Variants in PLXNB3 observed in about 807,000 individuals in gnomAD.
PLXNB3 encodes plexin-B3.
A neutral mutation model predicts 125.7 loss-of-function variants in PLXNB3; 80 were observed. The observed-to-expected ratio is 0.64, with a 90% confidence interval of 0.53 to 0.77. PLXNB3 has a LOEUF of 0.77. PLXNB3 is among the 30% of genes least tolerant of loss of function. The pLI is 0.00. For synonymous variants in PLXNB3, 954 were observed against 783.3 expected, an observed-to-expected ratio of 1.22 and a Z score of -3.64; for missense variants, 1,836 against 1,729.3, an observed-to-expected ratio of 1.06 and a Z score of -1.09.
Position 153,764,316 on chromosome X carries a change from C to T in PLXNB3, c.-66+12C>T, listed in dbSNP as rs1366334819. On this transcript the variant is annotated intron_variant, in intron 1 of 35. Transcript: ENST00000361971. ...CGGTGGCCCACCAGGTAGGCAAGAG[C>T]TGGGGCAGGCTTGGGCTTGGGCTTG... 3 of 113,079 alleles carry T rather than the reference C, an allele frequency of 2.7e-5. No homozygotes were observed. The highest frequency in any genetic ancestry group is 9.6e-5 in the African/African-American group (3 of 31,172). The allele number at this position is 113,079 out of a possible 1,213,427, so 9.3% of individuals were successfully genotyped here.
At position 153,770,075 on chromosome X, in the gene PLXNB3, TC is replaced by T; in HGVS notation, c.1630-13del. On this transcript the variant is annotated splice_polypyrimidine_tract_variant and intron_variant, in intron 7 of 35. Transcript: ENST00000361971. ...CTCTCTGGCTACATCTCCCGGTTTC[TC>T]CCCGCTGCATCCCAGGTCACTTTGT... 1 of 1,208,667 alleles carries T rather than the reference TC, an allele frequency of 8.3e-7. No individual in the cohort carries two copies. The highest frequency in any genetic ancestry group is 1.1e-6 in the Non-Finnish European group (1 of 893,995).
intron 6 of PLXNB3, 37 bp from the exon 7 acceptor site, chrX:153,769,766 CTAGG>C: frequency 8.5e-7 from 1 of 1,181,107 alleles, no homozygotes; most frequent in East Asian, 3.0e-5. Context: ...TCCTTGGAGT[CTAGG>C]ACCCCCACGG....
rs1557064787 is a variant in PLXNB3, at chrX:153,777,317, G to C, written c.5037G>C (p.Glu1679Asp). 8.3e-7 allele frequency: 1 copy of C among 1,206,751 alleles called. No individual in the cohort carries two copies. Reference sequence around the variant, plus strand: ...AGGTGCGGTGCAGCAGCCTGCGGGAGCGCGAGCCAGCAAGGGCCAAGGCCA... The same window carrying C: ...AGGTGCGGTGCAGCAGCCTGCGGGACCGCGAGCCAGCAAGGGCCAAGGCCA... ...GAKVRCSSLR[E>D]REPARAKAIP... Residue 1679 changes from glutamate to aspartate, a missense_variant, in exon 30 of 36, where the codon GAG becomes GAC. By Grantham distance (45) the Glu-to-Asp change is conservative (BLOSUM62 2). Transcript: ENST00000361971.
intron 10 of PLXNB3, 31 bp downstream of exon 10, chrX:153,770,673 G>C (rs942845279): frequency 2.5e-6 from 3 of 1,207,656 alleles, no homozygotes; most frequent in East Asian, 5.9e-5. Flanking sequence ...GGCAGAGACA[G>C]GGCTGTCCCT....
chrX:153,771,017 G>T lies in PLXNB3; in HGVS notation c.2189G>T (p.Gly730Val), dbSNP rs782464387. Residue 730 changes from glycine to valine, a missense_variant, in exon 12 of 36, where the codon GGA becomes GTA. Gly to Val is a moderately radical substitution (Grantham distance 109). Transcript: ENST00000361971. ...CWLELPGELR[G>V]LPATLEETAG... is the part of the protein sequence containing the mutation. ...CTGGAGCTGCCTGGAGAACTTCGGG[G>T]ACTGCCGGCCACCCTGGAGGAGACA... is the stretch of plus-strand genomic sequence containing the variant. The T allele has an allele frequency of 1.7e-6, 2 of 1,210,685 alleles. No homozygotes were observed. The highest frequency in any genetic ancestry group is 1.8e-5 in the South Asian group (1 of 56,995).
rs782771749 is a variant in PLXNB3, at chrX:153,773,674, C to A, written c.3240C>A (p.Asp1080Glu). The A allele has an allele frequency of 3.4e-6, 4 of 1,171,915 alleles. No individual in the cohort carries two copies. In the African/African-American group the frequency reaches 5.3e-5, roughly 16 times the overall value. Residue 1080 changes from aspartate (D) to glutamate (E), a missense_variant, in exon 19 of 36, where the codon GAC becomes GAA. By Grantham distance (45) the Asp-to-Glu change is conservative (BLOSUM62 2). Coordinates refer to ENST00000361971, the MANE Select transcript of PLXNB3 (RefSeq NM_005393.3). ...PRRSCGAPAA[D>E]PQACIQLGGG... ...GGAGCTGTGGAGCCCCTGCTGCGGA[C>A]CCCCAGGCTTGTATCCAGCTCGGTG...
At chrX:153,768,115 C>A in intron 3 of PLXNB3, 134 bp from the exon 4 acceptor site, 2 of 820,022 alleles carry the variant, frequency 2.4e-6, no homozygotes, top group East Asian at 3.3e-5. Context: ...GTGCCCTGGC[C>A]CTTCGGCCCT....
rs782425035 is a variant in PLXNB3, at chrX:153,768,943, C to T, written c.1267-5C>T. 8.3e-6 allele frequency: 10 copies of T among 1,208,592 alleles called. No homozygotes were observed. The South Asian group carries it at 1.6e-4, about 19-fold the overall frequency. ...GCCCAGCCTCGTCCTTGTCCCCCCA[C>T]TCAGGTCTTTCTCCACGGCTCCCAG... On this transcript the variant is annotated splice_region_variant and splice_polypyrimidine_tract_variant and intron_variant, in intron 4 of 35. Transcript: ENST00000361971.
chrX:153,771,071 A>G lies in PLXNB3; in HGVS notation c.2243A>G (p.Gln748Arg), dbSNP rs782034676. 4.2e-6 allele frequency: 5 copies of G among 1,201,388 alleles called. No individual in the cohort carries two copies. The highest frequency in any genetic ancestry group is 5.6e-6 in the Non-Finnish European group (5 of 887,971). ...GGGGATTCAGGCCTCATCCACTGCC[A>G]GGCCCACCAGGTGAGTGGCTGCCTT... is the stretch of plus-strand genomic sequence containing the variant. ...TAGDSGLIHC[Q>R]AHQFYPSMSQ... is the part of the protein sequence containing the mutation. Residue 748 changes from glutamine to arginine, a missense_variant, in exon 12 of 36, where the codon CAG becomes CGG. Coordinates refer to ENST00000361971, the MANE Select transcript of PLXNB3 (RefSeq NM_005393.3).
In PLXNB3 at chrX:153,771,370, G is replaced by A. The variant is rs782682163; in HGVS notation, c.2314G>A (p.Ala772Thr). The A allele has an allele frequency of 4.1e-6, 5 of 1,210,732 alleles. No homozygotes were observed. The highest frequency in any genetic ancestry group is 2.2e-5 in the Admixed American group (1 of 46,131). ...GCCCATCTACGTCACCCAGGGTGAA[G>A]CCCAGAGGCTGGACAACACCCATGC... ...PVPIYVTQGE[A>T]QRLDNTHALY... The change falls in exon 13 of 36, where the codon GCC (alanine) becomes ACC (threonine). Residue 772 changes from alanine (A) to threonine (T), a missense_variant. Ala to Thr is a moderately conservative substitution (Grantham distance 58, BLOSUM62 0). Coordinates refer to ENST00000361971, the MANE Select transcript of PLXNB3 (RefSeq NM_005393.3).
Position 153,769,052 on chromosome X carries a change from C to G in PLXNB3, c.1371C>G (p.His457Gln). Residue 457 changes from histidine (H) to glutamine (Q), a missense_variant, in exon 5 of 36, where the codon CAC becomes CAG. Coordinates refer to ENST00000361971, the MANE Select transcript of PLXNB3 (RefSeq NM_005393.3). The part of the protein sequence containing the change: ...PDLLLDSSGS[H>Q]LYVLTAHQVD... ...TGCTGCTGGACAGCAGTGGCAGTCA[C>G]CTCTATGTCCTGACTGCCCACCAGG... 2 of 1,210,194 alleles carry G rather than the reference C, an allele frequency of 1.7e-6. No homozygotes were observed. The highest frequency in any genetic ancestry group is 3.5e-5 in the South Asian group (2 of 56,900).
rs370364112 is a variant in PLXNB3 at position 153,775,361 on chromosome X, C to T, written c.4292C>T (p.Ala1431Val). Residue 1431 changes from alanine (A) to valine (V), a missense_variant, in exon 25 of 36, where the codon GCG becomes GTG. Transcript: ENST00000361971. ...ATGAGGACCCTGCTGGGTGACCTGG[C>T]GGCCCATTACGTGCACAGGAACCCC... ...DIMRTLLGDL[A>V]AHYVHRNPKL... 37 of 1,207,582 alleles carry T rather than the reference C, an allele frequency of 3.1e-5. No individual in the cohort carries two copies. The highest frequency in any genetic ancestry group is 5.9e-5 in the East Asian group (2 of 33,780).
intron 17 of PLXNB3, 97 bp downstream of exon 17, chrX:153,773,113 G>A (rs1279520409): frequency 7.4e-6 from 8 of 1,075,764 alleles, no homozygotes; most frequent in Non-Finnish European, 9.9e-6. Flanking sequence ...GCCACCCCCA[G>A]TGGTCCCTGC....
In PLXNB3 at chrX:153,778,480, T is replaced by C; in HGVS notation, c.5550+9T>C. On this transcript the variant is annotated intron_variant, in intron 34 of 35. Transcript: ENST00000361971. Reference sequence around the variant, plus strand: ...TGGCTGAGCTCTCCGGGGTGAGGCATGGCCCGGGGGGTGCGCCTGTCCACA... The same window carrying C: ...TGGCTGAGCTCTCCGGGGTGAGGCACGGCCCGGGGGGTGCGCCTGTCCACA... 1 of 1,206,352 alleles carries C rather than the reference T, an allele frequency of 8.3e-7. No individual in the cohort carries two copies. The highest frequency in any genetic ancestry group is 1.1e-6 in the Non-Finnish European group (1 of 891,803).
Position 153,768,365 on chromosome X carries a change from A to G in PLXNB3, c.1203A>G (p.Ala401=), listed in dbSNP as rs1557060156. Residue 401 remains alanine, a synonymous_variant, in exon 4 of 36, where the codon GCA becomes GCG. Transcript: ENST00000361971. ...TCGGGCAGCCGGTCAGCGCCGTGGC[A>G]GCTCTCCAGGCAGATGGGCACATGA... ...LKLGQPVSAV[A]ALQADGHMIA... is the part of the protein sequence containing the mutation. 1 of 1,210,582 alleles carries G rather than the reference A, an allele frequency of 8.3e-7. No homozygotes were observed. Among genetic ancestry groups the G allele is most frequent in the Admixed American group, 2.2e-5 (1 of 46,113 alleles).
At chrX:153,769,995 T>G (rs2091908505) in intron 7 of PLXNB3, 56 bp downstream of exon 7, 1 of 1,189,007 alleles carries the variant, frequency 8.4e-7, no homozygotes, top group Admixed American at 2.2e-5. Flanking sequence ...GCCTGGAGCA[T>G]GAACCCCGCC....
At position 153,775,927 on chromosome X, in the gene PLXNB3, T is replaced by C. The variant is rs2091980982; in HGVS notation, c.4442T>C (p.Ile1481Thr). ...CCACTGTACATGCTCTTCCGGGCCA[T>C]CCAGTACCAGGTGGACAAAGGCCCC... is the stretch of plus-strand genomic sequence containing the variant. ...GEPLYMLFRA[I>T]QYQVDKGPVD... The change falls in exon 27 of 36, where the codon ATC (isoleucine) becomes ACC (threonine). Residue 1481 changes from isoleucine (I) to threonine (T), a missense_variant. Coordinates refer to ENST00000361971, the MANE Select transcript of PLXNB3 (RefSeq NM_005393.3). The C allele has an allele frequency of 1.7e-6, 2 of 1,209,828 alleles. No individual in the cohort carries two copies. Among genetic ancestry groups the C allele is most frequent in the South Asian group, 1.8e-5 (1 of 56,888 alleles).
At position 153,777,272 on chromosome X, in the gene PLXNB3, C is replaced by G. The variant is rs781821665; in HGVS notation, c.4992C>G (p.Thr1664=). The change falls in exon 30 of 36, where the codon ACC becomes ACG. Residue 1664 remains threonine, a synonymous_variant. Transcript: ENST00000361971. ...GVCLWHLVKA[T]EEPEGAKVRC... is the part of the protein sequence containing the mutation. Reference sequence around the variant, plus strand: ...GCCTCTGGCACCTGGTGAAAGCCACCGAGGAGCCAGAAGGGGCCAAGGTGC... The same window carrying G: ...GCCTCTGGCACCTGGTGAAAGCCACGGAGGAGCCAGAAGGGGCCAAGGTGC... 1 of 1,198,033 alleles carries G rather than the reference C, an allele frequency of 8.3e-7. No individual in the cohort carries two copies. Among genetic ancestry groups the G allele is most frequent in the Non-Finnish European group, 1.1e-6 (1 of 887,709 alleles).
At position 153,776,340 on chromosome X, in the gene PLXNB3, C is replaced by T. The variant is rs782765709; in HGVS notation, c.4730-16C>T. 5.6e-5 allele frequency: 64 copies of T among 1,144,381 alleles called. No homozygotes were observed. The highest frequency in any genetic ancestry group is 7.5e-5 in the Non-Finnish European group (63 of 843,902). The allele number at this position is 1,144,381 out of a possible 1,213,427, so 94.3% of individuals were successfully genotyped here. On this transcript the variant is annotated splice_polypyrimidine_tract_variant and intron_variant, in intron 27 of 35. Coordinates refer to ENST00000361971, the MANE Select transcript of PLXNB3 (RefSeq NM_005393.3). ...AGAGCAGGCTGTAGACTATCTGCTTCCCTGACTCCCTCCAGAGTGGCGCTC... is the reference window on the plus strand; with the variant it reads ...AGAGCAGGCTGTAGACTATCTGCTTTCCTGACTCCCTCCAGAGTGGCGCTC...
Sources: gnomAD v4.1 joint callset for allele counts on GRCh38, gnomAD v4.1.1 for gene constraint, MANE v1.5 for transcripts, NCBI Gene and HGNC (gene_info 2026-07-23, HGNC 2026-07-21) for gene names.